DOCK4: variants seen among roughly 807,000 people sequenced by gnomAD.
The protein encoded by DOCK4 is dedicator of cytokinesis 4, also known as dedicator of cytokinesis protein 4.
Under a neutral mutation model 268.1 loss-of-function variants are expected in DOCK4, and 97 were observed. The ratio of observed to expected loss-of-function variants is 0.36; its 90% CI spans 0.31 to 0.43. The LOEUF (loss-of-function observed/expected upper bound fraction) is 0.43. Ranked by LOEUF, DOCK4 falls within the 20% of genes least tolerant of loss-of-function variation. The pLI is 1.00. For missense variants in DOCK4, 2,145 were observed against 2,455.7 expected, an observed-to-expected ratio of 0.87 and a Z score of 2.67; for synonymous variants, 954 against 887.2, an observed-to-expected ratio of 1.08 and a Z score of -1.34.
chr7:111,910,357 T>C (rs1791992185), intron 13 of DOCK4, among the ~76,000 whole-genome samples: 2 of 152,154 alleles, frequency 1.3e-5, no homozygotes, highest in African/African-American at 2.4e-5. Context: ...TGTTAAGATG[T>C]TTAGAGTTGG....
intron 1 of DOCK4, among the ~76,000 whole-genome samples, chr7:112,114,301 G>A (rs1386226153): frequency 1.3e-5 from 2 of 152,044 alleles, no homozygotes; most frequent in Admixed American, 1.3e-4. Context: ...CAATATAAAA[G>A]TAAAAAGTCT....
rs867491212 is a variant in DOCK4, at chr7:111,732,233, G to A, written c.5474C>T (p.Pro1825Leu). Residue 1825 changes from proline (P) to leucine (L), a missense_variant, in exon 52 of 53, where the codon CCA becomes CTA. Transcript: ENST00000428084. ...SVSPSPAGRS[P>L]LKGSVQSFTP... ...CGAAAGAAGGGCCTTTACCTTCAATGGAGATCGCCCGGCAGGCGAGGGGGA... is the reference window on the plus strand; with the variant it reads ...CGAAAGAAGGGCCTTTACCTTCAATAGAGATCGCCCGGCAGGCGAGGGGGA... 1.2e-6 allele frequency: 2 copies of A among 1,613,896 alleles called. No homozygotes were observed. The highest frequency in any genetic ancestry group is 1.7e-6 in the Non-Finnish European group (2 of 1,179,892).
chr7:111,732,110 T>TA, intron 52 of DOCK4, 116 bp downstream of exon 52: 1 of 1,037,704 alleles, frequency 9.6e-7, no homozygotes, highest in Non-Finnish European at 1.4e-6. Context: ...CCCTGATTGA[T>TA]AAGTTCTTTG....
At chr7:111,986,272 C>A (rs1008199374) in intron 6 of DOCK4, among the ~76,000 whole-genome samples, 1 of 152,152 alleles carries the variant, frequency 6.6e-6, no homozygotes, top group African/African-American at 2.4e-5. Flanking sequence ...AGATAAGATA[C>A]GTGAAGACAG....
chr7:111,827,699 GT>G (rs938481253), intron 26 of DOCK4, among the ~76,000 whole-genome samples: 1 of 152,168 alleles, frequency 6.6e-6, no homozygotes, highest in Non-Finnish European at 1.5e-5. Context: ...TATATATTTG[GT>G]TTTTAAGGAA....
At chr7:112,063,658 C>A (rs1806648360) in intron 1 of DOCK4, among the ~76,000 whole-genome samples, 1 of 152,130 alleles carries the variant, frequency 6.6e-6, no homozygotes, top group South Asian at 2.1e-4. Flanking sequence ...TAAGTCGGGA[C>A]TCTGTACAAT....
intron 50 of DOCK4, 95 bp downstream of exon 50, chr7:111,736,822 G>A: frequency 1.9e-6 from 2 of 1,072,400 alleles, no homozygotes; most frequent in Non-Finnish European, 2.8e-6. Context: ...AAGAGCTAGA[G>A]CACTGCTTTC....
At position 111,728,477 on chromosome 7, in the gene DOCK4, G is replaced by A. The variant is rs774254788; in HGVS notation, c.5725C>T (p.Pro1909Ser). The change falls in exon 53 of 53, where the codon CCG (proline) becomes TCG (serine). Residue 1909 changes from proline to serine, a missense_variant. Coordinates refer to ENST00000428084, the MANE Select transcript of DOCK4 (RefSeq NM_001363540.2). ...EEPVRKESKT[P>S]PPYSVYERTL... is the part of the protein sequence containing the mutation. ...CGCTCGTAGACGCTGTACGGGGGCGGAGTCTTGCTCTCCTTGCGCACTGGC... is the reference window on the plus strand; with the variant it reads ...CGCTCGTAGACGCTGTACGGGGGCGAAGTCTTGCTCTCCTTGCGCACTGGC... The A allele has an allele frequency of 1.6e-5, 26 of 1,612,234 alleles. No homozygotes were observed. The highest frequency in any genetic ancestry group is 2.0e-5 in the Non-Finnish European group (23 of 1,179,370).
At chr7:112,039,464 GT>G (rs61011637) in intron 1 of DOCK4, among the ~76,000 whole-genome samples, 26,029 of 151,024 alleles carry the variant, frequency 0.17, 3,886 homozygotes, top group East Asian at 0.39. Context: ...GAAGTCTTCT[GT>G]TTTTTTGTTG....
At chr7:112,109,449 C>A (rs1305120090) in intron 1 of DOCK4, among the ~76,000 whole-genome samples, 1 of 152,158 alleles carries the variant, frequency 6.6e-6, no homozygotes, top group Non-Finnish European at 1.5e-5. Context: ...AAAAGCAGGA[C>A]TGTTCTTTTG....
chr7:111,854,667 C>A (rs560371366), intron 23 of DOCK4, among the ~76,000 whole-genome samples: 3 of 152,174 alleles, frequency 2.0e-5, no homozygotes, highest in Non-Finnish European at 4.4e-5. Flanking sequence ...CAGGCGTGAG[C>A]GACCGCACCC....
At chr7:112,092,255 C>T (rs1185437536) in intron 1 of DOCK4, among the ~76,000 whole-genome samples, 2 of 152,176 alleles carry the variant, frequency 1.3e-5, no homozygotes, top group Admixed American at 6.5e-5. Context: ...AGTATGTTTG[C>T]CACACTGGTC....
At chr7:112,022,933 T>C (rs1474048240) in intron 1 of DOCK4, among the ~76,000 whole-genome samples, 1 of 152,164 alleles carries the variant, frequency 6.6e-6, no homozygotes, top group Non-Finnish European at 1.5e-5. Flanking sequence ...TTTTTTGTTT[T>C]TGAGATGGAG....
At chr7:112,102,665 C>T (rs573459510) in intron 1 of DOCK4, among the ~76,000 whole-genome samples, 1 of 152,150 alleles carries the variant, frequency 6.6e-6, no homozygotes, top group South Asian at 2.1e-4. Context: ...AACTGGGGAA[C>T]AGGCCCTCAC....
intron 1 of DOCK4, among the ~76,000 whole-genome samples, chr7:112,105,846 G>T (rs909143467): frequency 4.6e-5 from 7 of 152,042 alleles, no homozygotes; most frequent in Non-Finnish European, 7.4e-5. Context: ...AAGCCACAAT[G>T]TCTGGCTAAT....
rs374980422 is a variant in DOCK4 at position 111,785,379 on chromosome 7, G to A, written c.3402-1256C>T. ...ATGATGTAGAAATTTCCCCGTGACAGCCTACACCTCATACTTTAGAGGCTG... is the reference window on the plus strand; with the variant it reads ...ATGATGTAGAAATTTCCCCGTGACAACCTACACCTCATACTTTAGAGGCTG... On this transcript the variant is annotated intron_variant, in intron 32 of 52. Coordinates refer to ENST00000428084, the MANE Select transcript of DOCK4 (RefSeq NM_001363540.2). 3.9e-5 allele frequency among the ~76,000 whole-genome samples: 6 copies of A among 152,286 alleles called. No homozygotes were observed. In the East Asian group the frequency reaches 9.6e-4, roughly 24 times the overall value.
At chr7:111,995,024 GAGA>G (rs1799816522) in intron 4 of DOCK4, among the ~76,000 whole-genome samples, 2 of 142,356 alleles carry the variant, frequency 1.4e-5, no homozygotes, top group East Asian at 4.1e-4. Flanking sequence ...GGAAATAAAA[GAGA>G]AGTTTTGTGT....
chr7:111,782,517 CTA>C (rs1267033164), intron 35 of DOCK4, among the ~76,000 whole-genome samples: 2 of 152,156 alleles, frequency 1.3e-5, no homozygotes, highest in Non-Finnish European at 2.9e-5. Context: ...AGAAAGACCT[CTA>C]ACAGGGGATA....
At chr7:111,819,814 TA>T (rs1801842027) in intron 27 of DOCK4, 1 of 152,182 alleles carries the variant, frequency 6.6e-6, no homozygotes, top group South Asian at 2.1e-4. Context: ...ACTGGGTTAA[TA>T]AAAGTGGGAG....
Sources: gnomAD v4.1 joint callset for allele counts (sites outside exome capture counted in the v4.1 genomes callset) on GRCh38, gnomAD v4.1.1 for gene constraint, MANE v1.5 for transcripts, NCBI Gene and HGNC (gene_info 2026-07-23, HGNC 2026-07-21) for gene names.